The following PIK3C2G variants were observed in gnomAD, a reference collection of about 807,000 sequenced individuals.
PIK3C2G encodes phosphatidylinositol 3-kinase C2 domain-containing subunit gamma.
Under a neutral mutation model 181.1 loss-of-function variants are expected in PIK3C2G, and 168 were observed. The observed-to-expected ratio is 0.93, with a 90% CI of 0.82 to 1.05. The LOEUF (loss-of-function observed/expected upper bound fraction) is 1.05, where lower values mean the gene tolerates loss of function less well. PIK3C2G is among the 50% of genes least tolerant of loss of function. The pLI is 0.00. For missense variants in PIK3C2G, 1,869 were observed against 1,732.8 expected (o/e 1.08, Z -1.40); for synonymous variants, 573 against 592.2 (o/e 0.97, Z 0.47).
chr12:18,504,361 GT>G (rs1480496753), intron 23 of PIK3C2G, among the ~76,000 whole-genome samples: 2 of 152,226 alleles, frequency 1.3e-5, no homozygotes, highest in Admixed American at 1.3e-4. Context: ...ATTAATCCTT[GT>G]GGTTACGTTA....
chr12:18,721,220 A>T, the PIK3C2G span, among the ~76,000 whole-genome samples: 2 of 152,102 alleles, frequency 1.3e-5, no homozygotes, highest in Non-Finnish European at 2.9e-5. Context: ...TCCCTTAAAA[A>T]CTACCAGTTT....
At chr12:18,410,058 G>C (rs1944771456) in intron 16 of PIK3C2G, among the ~76,000 whole-genome samples, 1 of 152,136 alleles carries the variant, frequency 6.6e-6, no homozygotes, top group South Asian at 2.1e-4. Context: ...GCACACTGGG[G>C]ATTACAATTC....
At chr12:18,695,121 A>T in the PIK3C2G span, 1 of 1,571,074 alleles carries the variant, frequency 6.4e-7, no homozygotes, top group Non-Finnish European at 8.8e-7. Flanking sequence ...GTAATAGAGA[A>T]TACAAATAAA....
At chr12:18,634,896 A>G (rs1167936503) in intron 31 of PIK3C2G, among the ~76,000 whole-genome samples, 1 of 152,106 alleles carries the variant, frequency 6.6e-6, no homozygotes, top group African/African-American at 2.4e-5. Flanking sequence ...AGAGAGACCT[A>G]TCCACATGCT....
At chr12:18,423,130 T>TGAGAGA (rs144744234) in intron 17 of PIK3C2G, among the ~76,000 whole-genome samples, 137 of 149,202 alleles carry the variant, frequency 9.2e-4, no homozygotes, top group East Asian at 2.4e-3. Context: ...TCTGAAGCTT[T>TGAGAGA]GAGAGAGAGA....
intron 24 of PIK3C2G, among the ~76,000 whole-genome samples, chr12:18,528,109 G>T (rs1592498629): frequency 6.6e-6 from 1 of 152,204 alleles, no homozygotes; most frequent in South Asian, 2.1e-4. Flanking sequence ...TACATGTGAG[G>T]TTTTCTGTGT....
chr12:18,311,530 G>GGTGTGTGTGT (rs150381184), intron 5 of PIK3C2G, among the ~76,000 whole-genome samples: 1 of 148,674 alleles, frequency 6.7e-6, no homozygotes, highest in Non-Finnish European at 1.5e-5. Flanking sequence ...GGTATAAAGG[G>GGTGTGTGTGT]GTGTGTGTGT....
chr12:18,488,794 T>C (rs1940292482), intron 19 of PIK3C2G, among the ~76,000 whole-genome samples, 165 bp downstream of exon 19: 1 of 152,116 alleles, frequency 6.6e-6, no homozygotes, highest in African/African-American at 2.4e-5. Flanking sequence ...GTTCTTAAGT[T>C]AATGATAATG....
intron 18 of PIK3C2G, among the ~76,000 whole-genome samples, chr12:18,426,002 G>C (rs1592229487): frequency 6.6e-6 from 1 of 152,086 alleles, no homozygotes; most frequent in Admixed American, 6.5e-5. Flanking sequence ...TAAAGTCTTT[G>C]TCATCAAGAC....
In PIK3C2G at chr12:18,563,484, A is replaced by C. The variant is rs760085676; in HGVS notation, c.3888A>C (p.Ser1296=). Residue 1296 remains serine, a synonymous_variant, in exon 28 of 33, where the codon TCA becomes TCC. Coordinates refer to ENST00000538779, the MANE Select transcript of PIK3C2G (RefSeq NM_001288772.2). ...GCCAACTTCAGAAGCAGTTTGCATCACTGACTCTCCCAGAGTAAGGCACTG... is the reference window on the plus strand; with the variant it reads ...GCCAACTTCAGAAGCAGTTTGCATCCCTGACTCTCCCAGAGTAAGGCACTG... ...LHSQLQKQFA[S]LTLPEFPHWW... is the part of the protein sequence containing the mutation. The C allele has an allele frequency of 2.5e-6, 4 of 1,613,798 alleles. No homozygotes were observed. In the South Asian group the frequency reaches 4.4e-5, roughly 18 times the overall value.
At chr12:18,360,121 G>T (rs995298393) in intron 11 of PIK3C2G, among the ~76,000 whole-genome samples, 6 of 151,550 alleles carry the variant, frequency 4.0e-5, no homozygotes, top group African/African-American at 1.5e-4. Context: ...TTTTCGTAAT[G>T]ATATGTTTTG....
chr12:18,437,144 G>C (rs925137899), intron 18 of PIK3C2G, among the ~76,000 whole-genome samples: 1 of 151,804 alleles, frequency 6.6e-6, no homozygotes, highest in East Asian at 1.9e-4. Flanking sequence ...AATGGATAAG[G>C]CTTTTACTTT....
At chr12:18,295,320 C>T (rs576786165) in intron 5 of PIK3C2G, among the ~76,000 whole-genome samples, 1 of 151,908 alleles carries the variant, frequency 6.6e-6, no homozygotes, top group East Asian at 1.9e-4. Flanking sequence ...GTAAATTTAA[C>T]CTTATATTGA....
chr12:18,499,627 G>A (rs1415559439), intron 22 of PIK3C2G, among the ~76,000 whole-genome samples: 2 of 152,222 alleles, frequency 1.3e-5, no homozygotes, highest in Non-Finnish European at 2.9e-5. Flanking sequence ...ATAGGGGGAT[G>A]GAAAGAGTAG....
In PIK3C2G at chr12:18,461,225, T is replaced by A. The variant is rs1221520729; in HGVS notation, c.2505-27224T>A. On this transcript the variant is annotated intron_variant, in intron 18 of 32. Coordinates refer to ENST00000538779, the MANE Select transcript of PIK3C2G (RefSeq NM_001288772.2). ...AAGTAGCATATTTTCATAACGTCATTTTTGCAACTTACCAGTACTATATAG... is the reference window on the plus strand; with the variant it reads ...AAGTAGCATATTTTCATAACGTCATATTTGCAACTTACCAGTACTATATAG... Among the ~76,000 whole-genome samples, 4 of 152,178 alleles carry A rather than the reference T, an allele frequency of 2.6e-5. No homozygotes were observed. In the East Asian group the frequency reaches 7.7e-4, roughly 29 times the overall value.
At position 18,378,297 on chromosome 12, in the gene PIK3C2G, C is replaced by G. The variant is rs185299864; in HGVS notation, c.1881-3469C>G. Among the ~76,000 whole-genome samples, 9 of 149,026 alleles carry G rather than the reference C, an allele frequency of 6.0e-5. 1 individual carries two copies. Among genetic ancestry groups the G allele is most frequent in the East Asian group, 5.9e-4 (3 of 5,058 alleles). On this transcript the variant is annotated intron_variant, in intron 13 of 32. Coordinates refer to ENST00000538779, the MANE Select transcript of PIK3C2G (RefSeq NM_001288772.2). ...AATAAATAATGCAACTCATGTATCA[C>G]ACTCTTCCTCATGAGTTCCCCCCCC... is the stretch of plus-strand genomic sequence containing the variant.
At chr12:18,258,226 AT>A (rs1190176615), upstream of PIK3C2G, among the ~76,000 whole-genome samples, 1 of 152,022 alleles carries the variant, frequency 6.6e-6, no homozygotes, top group African/African-American at 2.4e-5. Flanking sequence ...TGACATATAC[AT>A]TGTGGAGTGG....
At position 18,501,967 on chromosome 12, in the gene PIK3C2G, GA is replaced by G. The variant is rs950459338; in HGVS notation, c.3017-1308del. The stretch of plus-strand genomic sequence containing the variant: ...TCAGGAAGTATTAAATAGAGGAACT[GA>G]AAAAATGAGGAGGGAAATTTTCAGG... On this transcript the variant is annotated intron_variant, in intron 22 of 32. Coordinates refer to ENST00000538779, the MANE Select transcript of PIK3C2G (RefSeq NM_001288772.2). Among the ~76,000 whole-genome samples, 5 of 152,212 alleles carry G rather than the reference GA, an allele frequency of 3.3e-5. No individual in the cohort carries two copies. In the East Asian group the frequency reaches 9.6e-4, roughly 29 times the overall value.
the PIK3C2G span, among the ~76,000 whole-genome samples, chr12:18,697,911 T>C: frequency 6.6e-6 from 1 of 152,124 alleles, no homozygotes; most frequent in African/African-American, 2.4e-5. Flanking sequence ...AGAAAAATGC[T>C]CTATGCCCCT....
Sources: gnomAD v4.1 joint callset for allele counts (sites outside exome capture counted in the v4.1 genomes callset) on GRCh38, gnomAD v4.1.1 for gene constraint, MANE v1.5 for transcripts, NCBI Gene and HGNC (gene_info 2026-07-23, HGNC 2026-07-21) for gene names.